LRRC72: variants seen among roughly 807,000 people sequenced by gnomAD.
LRRC72 encodes leucine-rich repeat-containing protein 72.
LRRC72 carries 41 observed loss-of-function variants against 35.8 expected under a neutral mutation model. That is an observed-to-expected ratio of 1.15 (90% CI 0.89 to 1.49). The LOEUF is 1.49. Ranked by LOEUF, LRRC72 falls within the 40% of genes most tolerant of loss-of-function variation. LRRC72 has a pLI of 0.00. For missense variants in LRRC72, 389 were observed against 330.7 expected (o/e 1.18, Z -1.37); for synonymous variants, 118 against 119.2 (o/e 0.99, Z 0.07).
intron 7 of LRRC72, among the ~76,000 whole-genome samples, chr7:16,577,610 T>C (rs1783064243): frequency 6.6e-6 from 1 of 152,042 alleles, no homozygotes; most frequent in Non-Finnish European, 1.5e-5. Flanking sequence ...ATAAAAAGCA[T>C]CATATAGGAA....
Position 16,567,435 on chromosome 7 carries a change from C to A in LRRC72, c.562C>A (p.His188Asn). 2 of 1,509,902 alleles carry A rather than the reference C, an allele frequency of 1.3e-6. No individual in the cohort carries two copies. The highest frequency in any genetic ancestry group is 8.9e-7 in the Non-Finnish European group (1 of 1,128,504). The allele number at this position is 1,509,902 out of a possible 1,614,324, so 93.5% of individuals were successfully genotyped here. Residue 188 changes from histidine (H) to asparagine (N), a missense_variant, in exon 7 of 9, where the codon CAT (histidine) becomes AAT (asparagine). His to Asn is a moderately conservative substitution (Grantham distance 68). Transcript: ENST00000401542. ...AAGATCAATGATTACCATTTTTAAC[C>A]ATAAAAAGGCTCATATCGTTCAATC... ...ERRSMITIFN[H>N]KKAHIVQSIA...
intron 3 of LRRC72, among the ~76,000 whole-genome samples, chr7:16,551,077 T>G (rs971002792): frequency 3.3e-5 from 5 of 152,140 alleles, no homozygotes; most frequent in African/African-American, 1.2e-4. Flanking sequence ...AAGACGTGAT[T>G]AAGCTAAAAT....
At chr7:16,552,985 T>C (rs577366052) in intron 3 of LRRC72, among the ~76,000 whole-genome samples, 2 of 152,350 alleles carry the variant, frequency 1.3e-5, no homozygotes, top group South Asian at 2.1e-4. Flanking sequence ...GATAATAATA[T>C]GCTCCTTCCT....
intron 2 of LRRC72, among the ~76,000 whole-genome samples, chr7:16,533,750 T>A (rs1004021262): frequency 6.6e-6 from 1 of 152,140 alleles, no homozygotes; most frequent in Non-Finnish European, 1.5e-5. Context: ...AGGAATAAAT[T>A]GATAACCAGT....
intron 7 of LRRC72, among the ~76,000 whole-genome samples, chr7:16,572,148 A>C (rs1363477224): frequency 1.3e-5 from 2 of 152,214 alleles, no homozygotes; most frequent in Non-Finnish European, 2.9e-5. Flanking sequence ...CAAGTTCTGA[A>C]ATTGAGGCAG....
At chr7:16,561,039 T>A (rs1180284821) in intron 5 of LRRC72, among the ~76,000 whole-genome samples, 1 of 152,162 alleles carries the variant, frequency 6.6e-6, no homozygotes, top group Non-Finnish European at 1.5e-5. Flanking sequence ...AAACATAAAC[T>A]CATGCCTTGT....
At chr7:16,546,830 A>G (rs187365249) in intron 3 of LRRC72, among the ~76,000 whole-genome samples, 105 of 152,228 alleles carry the variant, frequency 6.9e-4, no homozygotes, top group Non-Finnish European at 1.2e-3. Context: ...CAAACATTGC[A>G]TCCTCCACAA....
intron 3 of LRRC72, among the ~76,000 whole-genome samples, chr7:16,547,328 C>T (rs903184153): frequency 1.3e-5 from 2 of 152,104 alleles, no homozygotes; most frequent in Non-Finnish European, 2.9e-5. Context: ...AGAGAGGAGT[C>T]CCAAGGCAGA....
intron 3 of LRRC72, among the ~76,000 whole-genome samples, chr7:16,552,269 C>T (rs1018939357): frequency 1.3e-5 from 2 of 152,154 alleles, no homozygotes; most frequent in African/African-American, 4.8e-5. Context: ...TCAACAATTA[C>T]AGCAACATTG....
At chr7:16,532,004 T>A (rs1304374066) in intron 1 of LRRC72, among the ~76,000 whole-genome samples, 1 of 152,170 alleles carries the variant, frequency 6.6e-6, no homozygotes, top group Non-Finnish European at 1.5e-5. Flanking sequence ...TCACATTTTC[T>A]GAGAATTTAC....
At position 16,555,800 on chromosome 7, in the gene LRRC72, T is replaced by C. The variant is rs568724909; in HGVS notation, c.235-1560T>C. On this transcript the variant is annotated intron_variant, in intron 3 of 8. Coordinates refer to ENST00000401542, the MANE Select transcript of LRRC72 (RefSeq NM_001195280.2). The stretch of plus-strand genomic sequence containing the variant: ...AAAAAAAAAAAATTAATAGTTCCTA[T>C]GATAAGCTTTAGAAAACACACAAAC... 2.6e-5 allele frequency among the ~76,000 whole-genome samples: 4 copies of C among 152,186 alleles called. No homozygotes were observed. In the East Asian group the frequency reaches 7.7e-4, roughly 29 times the overall value.
At chr7:16,562,527 C>A (rs889283847) in intron 5 of LRRC72, among the ~76,000 whole-genome samples, 1 of 152,226 alleles carries the variant, frequency 6.6e-6, no homozygotes, top group Non-Finnish European at 1.5e-5. Context: ...CTGCTTCCTA[C>A]CGGAGCTTCC....
chr7:16,574,028 A>C lies in LRRC72; in HGVS notation c.671-6046A>C, dbSNP rs949873504. Among the ~76,000 whole-genome samples the C allele has an allele frequency of 1.7e-4, 26 of 152,364 alleles. No individual in the cohort carries two copies. The South Asian group carries it at 2.7e-3, about 16-fold the overall frequency. The stretch of plus-strand genomic sequence containing the variant: ...ACTTCTCAAAAGAAAACATTTATGC[A>C]GCCAACAAACATACGAAAAAAAGCT... On this transcript the variant is annotated intron_variant, in intron 7 of 8. Coordinates refer to ENST00000401542, the MANE Select transcript of LRRC72 (RefSeq NM_001195280.2).
chr7:16,546,183 T>C (rs891440352), intron 3 of LRRC72, among the ~76,000 whole-genome samples: 6 of 152,200 alleles, frequency 3.9e-5, no homozygotes, highest in African/African-American at 1.2e-4. Context: ...ATTTAGTAAA[T>C]ATTGGGATTT....
At chr7:16,577,036 C>A (rs1691776351) in intron 7 of LRRC72, among the ~76,000 whole-genome samples, 1 of 152,160 alleles carries the variant, frequency 6.6e-6, no homozygotes, top group Non-Finnish European at 1.5e-5. Context: ...CTCAGGAAAT[C>A]AAGTCTTGAA....
At chr7:16,546,959 G>C (rs78412550) in intron 3 of LRRC72, among the ~76,000 whole-genome samples, 2 of 152,176 alleles carry the variant, frequency 1.3e-5, no homozygotes, top group African/African-American at 4.8e-5. Flanking sequence ...CAGCAGGGAG[G>C]TATGGACAGT....
chr7:16,559,170 G>T (rs534662308), intron 5 of LRRC72, among the ~76,000 whole-genome samples, 171 bp downstream of exon 5: 2 of 152,108 alleles, frequency 1.3e-5, no homozygotes, highest in Non-Finnish European at 2.9e-5. Context: ...GAGGTGGGCG[G>T]ATCACTTGAG....
chr7:16,535,941 C>T (rs971736728), intron 2 of LRRC72, among the ~76,000 whole-genome samples: 1 of 152,198 alleles, frequency 6.6e-6, no homozygotes, highest in African/African-American at 2.4e-5. Context: ...GGCACGATCT[C>T]GGCTCACTGC....
In LRRC72 at chr7:16,540,081, G is replaced by A. The variant is rs555241893; in HGVS notation, c.234+2385G>A. ...GCTTCACCGACAACTTGCACCATGTGCCTAGAAAAGCCACAGGGACTCAAT... is the reference window on the plus strand; with the variant it reads ...GCTTCACCGACAACTTGCACCATGTACCTAGAAAAGCCACAGGGACTCAAT... On this transcript the variant is annotated intron_variant, in intron 3 of 8. Transcript: ENST00000401542. 1.7e-4 allele frequency among the ~76,000 whole-genome samples: 26 copies of A among 152,258 alleles called. No individual in the cohort carries two copies. The Middle Eastern group carries it at 0.014, about 80-fold the overall frequency.
Sources: allele counts gnomAD v4.1 joint callset (sites outside exome capture counted in the v4.1 genomes callset), GRCh38; gene constraint gnomAD v4.1.1; transcripts MANE v1.5; gene names NCBI Gene and HGNC (gene_info 2026-07-23, HGNC 2026-07-21).